The following PRKAA1 variants were observed in gnomAD, a reference collection of about 807,000 sequenced individuals.
The protein encoded by PRKAA1 is 5'-AMP-activated protein kinase catalytic subunit alpha-1.
A neutral mutation model predicts 56.9 loss-of-function variants in PRKAA1; 23 were observed. The ratio of observed to expected loss-of-function variants is 0.40; its 90% CI spans 0.29 to 0.57. The LOEUF (loss-of-function observed/expected upper bound fraction) is 0.57, where lower values mean the gene tolerates loss of function less well. Among genes scored for constraint, PRKAA1 ranks in the 20% least tolerant of loss-of-function variants. PRKAA1 has a pLI of 0.39. For synonymous variants in PRKAA1, 226 were observed against 227.0 expected (o/e 1.00, Z 0.04); for missense variants, 413 against 679.7 (o/e 0.61, Z 4.36).
chr5:40,768,418 T>C, intron 5 of PRKAA1: 1 of 920,546 alleles, frequency 1.1e-6, no homozygotes, highest in Non-Finnish European at 1.3e-6. Flanking sequence ...TTTATTTAAA[T>C]AACAACTTTC....
chr5:40,764,695 TTA>T (rs1399220784), intron 7 of PRKAA1, 55 bp from the exon 8 acceptor site: 1 of 1,604,982 alleles, frequency 6.2e-7, no homozygotes, highest in Non-Finnish European at 8.5e-7. Flanking sequence ...ATAAAACATT[TTA>T]TAGACTATGG....
At chr5:40,764,379 C>T in intron 8 of PRKAA1, 135 bp downstream of exon 8, 2 of 789,290 alleles carry the variant, frequency 2.5e-6, no homozygotes, top group South Asian at 2.3e-5. Flanking sequence ...ATTGCAAAGG[C>T]ACAAGAAATC....
At position 40,760,276 on chromosome 5, in the gene PRKAA1, TATC is replaced by T. The variant is rs1220302236; in HGVS notation, c.*2499_*2501del. ...AATTTACTGCAATTGTCTGTGCATTTATCATACTATTTATAGAAGTGCAATATT... is the reference window on the plus strand; with the variant it reads ...AATTTACTGCAATTGTCTGTGCATTTATACTATTTATAGAAGTGCAATATT... On this transcript the variant is annotated 3_prime_UTR_variant, in exon 9 of 9. Coordinates refer to ENST00000397128, the MANE Select transcript of PRKAA1 (RefSeq NM_006251.6). 10 of 152,830 alleles carry T rather than the reference TATC, an allele frequency of 6.5e-5. No individual in the cohort carries two copies. Among genetic ancestry groups the T allele is most frequent in the Admixed American group, 1.3e-4 (2 of 15,304 alleles). The allele number at this position is 152,830 out of a possible 1,614,324, so 9.5% of individuals were successfully genotyped here.
At chr5:40,797,612 G>A (rs1033569390) in intron 1 of PRKAA1, among the ~76,000 whole-genome samples, 4 of 152,244 alleles carry the variant, frequency 2.6e-5, no homozygotes, top group African/African-American at 4.8e-5. Flanking sequence ...TCCTACAGAG[G>A]ACGGAAATAC....
intron 1 of PRKAA1, among the ~76,000 whole-genome samples, chr5:40,791,020 C>T (rs1263657127): frequency 3.9e-5 from 6 of 152,150 alleles, no homozygotes; most frequent in Non-Finnish European, 8.8e-5. Context: ...GACAGGTCTT[C>T]CGACTCCCAA....
chr5:40,773,594 G>A (rs987379746), intron 3 of PRKAA1, among the ~76,000 whole-genome samples: 1 of 152,106 alleles, frequency 6.6e-6, no homozygotes, highest in Non-Finnish European at 1.5e-5. Context: ...GAGTCACCAA[G>A]GATGACAATA....
At position 40,764,783 on chromosome 5, in the gene PRKAA1, C is replaced by T. The variant is rs749762932; in HGVS notation, c.1277G>A (p.Arg426Lys). The change falls in exon 7 of 9, where the codon AGA becomes AAA. Residue 426 changes from arginine to lysine, a missense_variant. Coordinates refer to ENST00000397128, the MANE Select transcript of PRKAA1 (RefSeq NM_006251.6). Reference protein sequence around the residue: ...RPNDIMAEVCRAIKQLDYEWK... With the variant: ...RPNDIMAEVCKAIKQLDYEWK... ...TTCATAATCCAATTGTTTGATTGCT[C>T]TACATACTTCTGCCATAATATCATT... 1.9e-6 allele frequency: 3 copies of T among 1,613,744 alleles called. No homozygotes were observed. The South Asian group carries it at 3.3e-5, about 18-fold the overall frequency.
At chr5:40,769,361 T>C in intron 5 of PRKAA1, 55 bp downstream of exon 5, 1 of 1,374,074 alleles carries the variant, frequency 7.3e-7, no homozygotes, top group South Asian at 1.2e-5. Flanking sequence ...TAACAAAATC[T>C]AGGAGAAAAA....
chr5:40,789,161 T>C (rs1198325292), intron 1 of PRKAA1, among the ~76,000 whole-genome samples: 2 of 146,378 alleles, frequency 1.4e-5, no homozygotes, highest in African/African-American at 5.1e-5. Context: ...CAGTGAGCCA[T>C]GATCATGCCA....
At chr5:40,791,176 T>G (rs569661542) in intron 1 of PRKAA1, among the ~76,000 whole-genome samples, 6 of 152,362 alleles carry the variant, frequency 3.9e-5, no homozygotes, top group African/African-American at 1.4e-4. Context: ...CCAAACTAAA[T>G]GCTGTTCCAT....
chr5:40,763,860 A>G (rs1354305380), intron 8 of PRKAA1, among the ~76,000 whole-genome samples: 1 of 152,222 alleles, frequency 6.6e-6, no homozygotes, highest in African/African-American at 2.4e-5. Context: ...TTGAGTTTAT[A>G]AAGAAGAAAA....
rs747709374 is a variant in PRKAA1 at position 40,777,403 on chromosome 5, T to G, written c.269+42A>C. On this transcript the variant is annotated intron_variant, in intron 2 of 8. Transcript: ENST00000397128. ...ACATTAAGTAGGTTAACAAAAAAGA[T>G]GAAAAGATGACTGGACTATATTTAA... 6 of 1,536,760 alleles carry G rather than the reference T, an allele frequency of 3.9e-6. No individual in the cohort carries two copies. The African/African-American group carries it at 8.5e-5, about 22-fold the overall frequency.
chr5:40,779,711 C>T (rs901998710), intron 1 of PRKAA1, among the ~76,000 whole-genome samples: 13 of 152,140 alleles, frequency 8.5e-5, no homozygotes, highest in African/African-American at 3.1e-4. Flanking sequence ...ACCGTTTGCA[C>T]AAAAACTGCA....
At chr5:40,787,773 GA>G in intron 1 of PRKAA1, among the ~76,000 whole-genome samples, 1 of 151,276 alleles carries the variant, frequency 6.6e-6, no homozygotes, top group East Asian at 1.9e-4. Context: ...AAGTAATAGA[GA>G]AAGGGACAAA....
rs1311253047 is a variant in PRKAA1, at chr5:40,775,264, A to T, written c.363+146T>A. ...AATCTTTAAGATCCTTTCTAGTTCT[A>T]CATAGTTTATGATTCTAAACAAATA... On this transcript the variant is annotated intron_variant, in intron 3 of 8. Transcript: ENST00000397128. The T allele has an allele frequency of 7.0e-6, 5 of 711,296 alleles. No homozygotes were observed. The Admixed American group carries it at 1.3e-4, about 18-fold the overall frequency. The allele number at this position is 711,296 out of a possible 1,614,324, so 44.1% of individuals were successfully genotyped here. A position where few individuals can be genotyped will look rare whatever the true frequency, so the allele number is the denominator to read the frequency against.
chr5:40,764,416 T>C, intron 8 of PRKAA1, 98 bp downstream of exon 8: 1 of 1,168,486 alleles, frequency 8.6e-7, no homozygotes. Context: ...TGCAGTTGAA[T>C]TACTAGGAAC....
Position 40,760,221 on chromosome 5 carries a change from T to G in PRKAA1, c.*2557A>C, listed in dbSNP as rs756017135. The G allele has an allele frequency of 1.2e-4, 18 of 152,768 alleles. No individual in the cohort carries two copies. Among genetic ancestry groups the G allele is most frequent in the Non-Finnish European group, 2.4e-4 (16 of 68,024 alleles). 9.5% of individuals were successfully genotyped at this position (152,768 alleles called of 1,614,324 possible). On this transcript the variant is annotated 3_prime_UTR_variant, in exon 9 of 9. Coordinates refer to ENST00000397128, the MANE Select transcript of PRKAA1 (RefSeq NM_006251.6). Reference sequence around the variant, plus strand: ...AACCTTGACACACTTAACCAAAGGTTGTCATTTCAAATATCCTAGCTTAAA... The same window carrying G: ...AACCTTGACACACTTAACCAAAGGTGGTCATTTCAAATATCCTAGCTTAAA...
chr5:40,787,295 G>A lies in PRKAA1; in HGVS notation c.128-9709C>T, dbSNP rs57404748. 5.1e-3 allele frequency among the ~76,000 whole-genome samples: 769 copies of A among 151,872 alleles called. 8 individuals are homozygous for A. Among genetic ancestry groups the A allele is most frequent in the African/African-American group, 0.017 (720 of 41,392 alleles). On this transcript the variant is annotated intron_variant, in intron 1 of 8. Transcript: ENST00000397128. Reference sequence around the variant, plus strand: ...AGCCTGACCAACATGGAGAAACCCCGTCTCTACTAAAAATACAAAATTAGC... The same window carrying A: ...AGCCTGACCAACATGGAGAAACCCCATCTCTACTAAAAATACAAAATTAGC...
intron 3 of PRKAA1, chr5:40,774,862 A>C: frequency 7.8e-7 from 1 of 1,289,434 alleles, no homozygotes; most frequent in Non-Finnish European, 1.1e-6. Context: ...TCTGTAACTT[A>C]AGGTAGTGTT....
Sources: allele counts gnomAD v4.1 joint callset (sites outside exome capture counted in the v4.1 genomes callset), GRCh38; gene constraint gnomAD v4.1.1; transcripts MANE v1.5; gene names NCBI Gene and HGNC (gene_info 2026-07-23, HGNC 2026-07-21).